DPP6: variants seen among roughly 807,000 people sequenced by gnomAD.
DPP6 encodes the protein A-type potassium channel modulatory protein DPP6.
DPP6 carries 69 observed loss-of-function variants against 122.6 expected under a neutral mutation model. The ratio of observed to expected loss-of-function variants is 0.56; its 90% confidence interval spans 0.46 to 0.69. The LOEUF is 0.69. Among genes scored for constraint, DPP6 ranks in the 30% least tolerant of loss-of-function variants. The pLI is 0.00. For missense variants in DPP6, 928 were observed against 1,116.9 expected (o/e 0.83, Z 2.41); for synonymous variants, 418 against 433.1 (o/e 0.97, Z 0.43).
intron 1 of DPP6, among the ~76,000 whole-genome samples, chr7:154,253,886 A>G (rs1802500567): frequency 6.6e-6 from 1 of 152,194 alleles, no homozygotes; most frequent in African/African-American, 2.4e-5. Flanking sequence ...TGGGAGGTAA[A>G]GGGGAAGCAA....
intron 1 of DPP6, among the ~76,000 whole-genome samples, chr7:154,060,403 T>C (rs1327141309): frequency 7.3e-5 from 9 of 123,396 alleles, no homozygotes; most frequent in Non-Finnish European, 1.5e-4. Flanking sequence ...AGGACCCCCA[T>C]CGCAGAGGGG....
intron 1 of DPP6, among the ~76,000 whole-genome samples, chr7:154,044,406 T>C (rs979402884): frequency 1.1e-4 from 16 of 152,204 alleles, no homozygotes; most frequent in Admixed American, 9.2e-4. Context: ...TTTTCATTAA[T>C]GAGAACCCAC....
At chr7:153,965,379 G>A (rs554390102) in intron 1 of DPP6, among the ~76,000 whole-genome samples, 1 of 152,096 alleles carries the variant, frequency 6.6e-6, no homozygotes, top group African/African-American at 2.4e-5. Context: ...TCCTCCTTAG[G>A]CAGCGCTCCT....
chr7:153,889,773 A>T (rs1242579745), intron 1 of DPP6, among the ~76,000 whole-genome samples: 1 of 152,202 alleles, frequency 6.6e-6, no homozygotes, highest in Admixed American at 6.5e-5. Context: ...AGCCTAGAGA[A>T]TTCTACAGCA....
chr7:154,614,099 C>T (rs535413206), intron 5 of DPP6, among the ~76,000 whole-genome samples: 32 of 152,364 alleles, frequency 2.1e-4, no homozygotes, highest in Admixed American at 2.0e-3. Context: ...GCTGTCTTCC[C>T]TTTCTCTTCT....
chr7:154,108,602 A>G (rs186902314), intron 1 of DPP6, among the ~76,000 whole-genome samples: 76 of 152,296 alleles, frequency 5.0e-4, no homozygotes, highest in African/African-American at 1.7e-3. Flanking sequence ...AACTTAATCA[A>G]GCTCTTAGGT....
chr7:154,515,248 C>T (rs868583117), intron 3 of DPP6, among the ~76,000 whole-genome samples: 9 of 152,088 alleles, frequency 5.9e-5, no homozygotes, highest in Middle Eastern at 3.2e-3. Context: ...GGGACTCTGG[C>T]GTGGCACTTC....
At chr7:154,292,307 C>T (rs146416815) in intron 1 of DPP6, among the ~76,000 whole-genome samples, 4 of 152,314 alleles carry the variant, frequency 2.6e-5, no homozygotes, top group East Asian at 1.9e-4. Context: ...TGTCATCCCA[C>T]GCAGGGTGGG....
intron 1 of DPP6, among the ~76,000 whole-genome samples, chr7:154,294,130 C>T (rs941079498): frequency 7.2e-5 from 11 of 152,190 alleles, no homozygotes; most frequent in African/African-American, 2.7e-4. Flanking sequence ...TGATGGGCAA[C>T]CCTTTATCTT....
intron 4 of DPP6, among the ~76,000 whole-genome samples, chr7:154,547,967 G>C (rs1211249905): frequency 2.0e-5 from 3 of 152,290 alleles, no homozygotes; most frequent in East Asian, 3.9e-4. Context: ...CCAGCACTTT[G>C]GGAGGCCGAG....
intron 22 of DPP6, among the ~76,000 whole-genome samples, chr7:154,887,087 C>A (rs535882932): frequency 1.3e-5 from 2 of 152,316 alleles, no homozygotes; most frequent in Admixed American, 6.5e-5. Flanking sequence ...AAGCTGCCAT[C>A]ATGTCTTGAT....
chr7:153,900,014 G>C (rs771383817), intron 1 of DPP6, among the ~76,000 whole-genome samples: 1 of 152,184 alleles, frequency 6.6e-6, no homozygotes, highest in African/African-American at 2.4e-5. Context: ...CCAACATGAT[G>C]TGACGCTGGA....
At chr7:154,527,390 T>G (rs1827489274) in intron 3 of DPP6, among the ~76,000 whole-genome samples, 2 of 152,140 alleles carry the variant, frequency 1.3e-5, no homozygotes, top group Non-Finnish European at 2.9e-5. Context: ...TAGTGGGAAA[T>G]GGTATTTCTA....
At chr7:153,847,784 A>G in the DPP6 span, among the ~76,000 whole-genome samples, 1 of 152,172 alleles carries the variant, frequency 6.6e-6, no homozygotes, top group Non-Finnish European at 1.5e-5. Flanking sequence ...CGCCTTCTAT[A>G]GGGCTGTTTG....
chr7:154,008,305 A>G (rs1042196621), intron 1 of DPP6, among the ~76,000 whole-genome samples: 56 of 152,200 alleles, frequency 3.7e-4, no homozygotes, highest in Non-Finnish European at 7.1e-4. Flanking sequence ...GGACATACCC[A>G]TTGACCTTGG....
intron 1 of DPP6, among the ~76,000 whole-genome samples, chr7:153,924,564 T>G (rs565355568): frequency 6.6e-6 from 1 of 152,354 alleles, no homozygotes; most frequent in South Asian, 2.1e-4. Flanking sequence ...TCTCCCCTTT[T>G]CTAGAGCTTT....
At chr7:154,032,861 C>T (rs1384719588) in intron 1 of DPP6, among the ~76,000 whole-genome samples, 1 of 132,386 alleles carries the variant, frequency 7.6e-6, no homozygotes, top group Non-Finnish European at 1.6e-5. Context: ...CATCCCCCAT[C>T]CCCCCCTACC....
At chr7:154,620,690 G>A (rs976738476) in intron 5 of DPP6, among the ~76,000 whole-genome samples, 11 of 152,236 alleles carry the variant, frequency 7.2e-5, no homozygotes, top group African/African-American at 2.4e-4. Context: ...GTGATGTTAC[G>A]AGCTGTAACG....
chr7:153,852,304 C>A, the DPP6 span, among the ~76,000 whole-genome samples: 1 of 151,988 alleles, frequency 6.6e-6, no homozygotes, highest in African/African-American at 2.4e-5. Context: ...TAATTGTCCC[C>A]GAGTTCTATA....
Sources: allele counts gnomAD v4.1 joint callset (sites outside exome capture counted in the v4.1 genomes callset), GRCh38; gene constraint gnomAD v4.1.1; transcripts MANE v1.5; gene names NCBI Gene and HGNC (gene_info 2026-07-23, HGNC 2026-07-21).